PPP1R12B: variants seen among roughly 807,000 people sequenced by gnomAD.
PPP1R12B encodes protein phosphatase 1 regulatory subunit 12B, also known as myosin phosphatase target subunit 2.
A neutral mutation model predicts 126.1 loss-of-function variants in PPP1R12B; 76 were observed. The ratio of observed to expected loss-of-function variants is 0.60; its 90% confidence interval spans 0.50 to 0.73. The LOEUF is 0.73. Ranked by LOEUF, PPP1R12B falls within the 30% of genes least tolerant of loss-of-function variation. The probability of loss-of-function intolerance (pLI) is 0.00; values close to 1 mark genes in which losing one functional copy is unlikely to be tolerated. For missense variants in PPP1R12B, 1,052 were observed against 1,205.1 expected, an observed-to-expected ratio of 0.87 and a Z score of 1.88; for synonymous variants, 356 against 434.7, an observed-to-expected ratio of 0.82 and a Z score of 2.25.
intron 13 of PPP1R12B, among the ~76,000 whole-genome samples, chr1:202,485,085 G>T (rs1002830076): frequency 1.3e-5 from 2 of 152,228 alleles, no homozygotes; most frequent in African/African-American, 4.8e-5. Flanking sequence ...CAGCTGGCCA[G>T]CTAGCTGTGC....
chr1:202,382,816 C>G (rs1662554492), intron 1 of PPP1R12B, among the ~76,000 whole-genome samples: 1 of 150,664 alleles, frequency 6.6e-6, no homozygotes, highest in Non-Finnish European at 1.5e-5. Flanking sequence ...CCAGAGGTTA[C>G]AGTGAGCCAA....
At chr1:202,564,269 T>A (rs1382026240) in intron 20 of PPP1R12B, among the ~76,000 whole-genome samples, 174 bp from the exon 21 acceptor site, 1 of 152,190 alleles carries the variant, frequency 6.6e-6, no homozygotes, top group Admixed American at 6.5e-5. Flanking sequence ...TGTTCATCAC[T>A]TTGAAAAAGC....
chr1:202,566,803 AT>A (rs930066753), intron 21 of PPP1R12B, among the ~76,000 whole-genome samples: 5 of 150,888 alleles, frequency 3.3e-5, no homozygotes, highest in Non-Finnish European at 5.9e-5. Flanking sequence ...CCATTCCTTA[AT>A]TTTTTTTTTA....
rs545655391 is a variant in PPP1R12B at position 202,430,752 on chromosome 1, C to T, written c.943C>T (p.Arg315Trp). The T allele has an allele frequency of 4.7e-5, 75 of 1,612,622 alleles. No individual in the cohort carries two copies. The highest frequency in any genetic ancestry group is 5.6e-5 in the Non-Finnish European group (66 of 1,179,130). Reference sequence around the variant, plus strand: ...CCAGCTTCGAAGTGAAAAGGAGACACGGAATAAACTCATTGAGTCAGATCT... The same window carrying T: ...CCAGCTTCGAAGTGAAAAGGAGACATGGAATAAACTCATTGAGTCAGATCT... ...QNVLRSEKET[R>W]NKLIESDLNS... Residue 315 changes from arginine (R) to tryptophan (W), a missense_variant, in exon 7 of 24, where the codon CGG (arginine) becomes TGG (tryptophan). By Grantham distance (101) the Arg-to-Trp change is moderately radical (BLOSUM62 -3). Coordinates refer to ENST00000608999, the MANE Select transcript of PPP1R12B (RefSeq NM_002481.4).
At chr1:202,394,208 G>A (rs1664570851) in intron 1 of PPP1R12B, among the ~76,000 whole-genome samples, 2 of 151,526 alleles carry the variant, frequency 1.3e-5, no homozygotes, top group African/African-American at 4.8e-5. Context: ...CATGGTGGCA[G>A]TGAGATCGCA....
At chr1:202,365,291 T>TA (rs1049021785) in intron 1 of PPP1R12B, among the ~76,000 whole-genome samples, 106 of 145,622 alleles carry the variant, frequency 7.3e-4, no homozygotes, top group African/African-American at 2.5e-3. Flanking sequence ...ATCCTAAGTC[T>TA]AAAAAAAAAA....
chr1:202,532,633 G>A (rs3901668), intron 18 of PPP1R12B, among the ~76,000 whole-genome samples: 68,005 of 151,622 alleles, frequency 0.45, 16,266 homozygotes, highest in East Asian at 0.71. Flanking sequence ...GCCTGTTTCC[G>A]TTAGCAAACC....
At chr1:202,494,513 T>C (rs1287434188) in intron 15 of PPP1R12B, among the ~76,000 whole-genome samples, 1 of 151,598 alleles carries the variant, frequency 6.6e-6, no homozygotes, top group Non-Finnish European at 1.5e-5. Context: ...AGGATTTATC[T>C]ATCTCTGAGT....
chr1:202,543,220 T>C (rs1209232586), intron 18 of PPP1R12B, among the ~76,000 whole-genome samples: 2 of 152,052 alleles, frequency 1.3e-5, no homozygotes, highest in African/African-American at 4.8e-5. Flanking sequence ...GCAGGATGAT[T>C]TTTCAGTGAC....
chr1:202,467,290 T>G (rs964456585), intron 13 of PPP1R12B, among the ~76,000 whole-genome samples: 13 of 151,888 alleles, frequency 8.6e-5, no homozygotes, highest in African/African-American at 3.1e-4. Flanking sequence ...TAGTTACATA[T>G]GTATACATGT....
chr1:202,391,079 A>G (rs1370494502), intron 1 of PPP1R12B, among the ~76,000 whole-genome samples: 1 of 152,196 alleles, frequency 6.6e-6, no homozygotes, highest in Admixed American at 6.5e-5. Context: ...AAAGAAAGTG[A>G]TAAGACAACC....
intron 1 of PPP1R12B, among the ~76,000 whole-genome samples, chr1:202,363,339 T>G (rs1157385302): frequency 6.6e-6 from 1 of 152,224 alleles, no homozygotes; most frequent in Non-Finnish European, 1.5e-5. Context: ...TTGTACTTCA[T>G]GTTGATTCCA....
At chr1:202,386,913 C>T (rs1663239273) in intron 1 of PPP1R12B, among the ~76,000 whole-genome samples, 1 of 152,038 alleles carries the variant, frequency 6.6e-6, no homozygotes, top group African/African-American at 2.4e-5. Flanking sequence ...TTCATGGCAT[C>T]CTATTCTTTT....
chr1:202,508,821 T>G lies in PPP1R12B; in HGVS notation c.2490+11999T>G, dbSNP rs969935802. On this transcript the variant is annotated intron_variant, in intron 18 of 23. Transcript: ENST00000608999. The surrounding 1 kb of genome is among the most constrained non-coding windows in gnomAD (Gnocchi z 4.5). ...TATACCTATTCTCCGGCAGAACATG[T>G]TGGTGGTGGGACAGTGGTAGCAGCC... Among the ~76,000 whole-genome samples, 12 of 152,182 alleles carry G rather than the reference T, an allele frequency of 7.9e-5. No homozygotes were observed. The highest frequency in any genetic ancestry group is 2.6e-4 in the Admixed American group (4 of 15,272).
chr1:202,389,212 T>G (rs544022069), intron 1 of PPP1R12B, among the ~76,000 whole-genome samples: 35 of 152,280 alleles, frequency 2.3e-4, no homozygotes, highest in Admixed American at 5.2e-4. Flanking sequence ...GAAGACTTCC[T>G]GAGTAAAATG....
In PPP1R12B at chr1:202,495,377, T is replaced by G. The variant is rs369147650; in HGVS notation, c.2230T>G (p.Tyr744Asp). 26 of 1,611,004 alleles carry G rather than the reference T, an allele frequency of 1.6e-5. No individual in the cohort carries two copies. Among genetic ancestry groups the G allele is most frequent in the Non-Finnish European group, 2.2e-5 (26 of 1,178,242 alleles). The stretch of plus-strand genomic sequence containing the variant: ...TCCTTCTACGTCAAGACCCTCACTC[T>G]ACACCAGTTCCCACCTGCTATGGAC... ...ASPSTSRPSL[Y>D]TSSHLLWTNR... Residue 744 changes from tyrosine (Y) to aspartate (D), a missense_variant, in exon 16 of 24, where the codon TAC becomes GAC. By Grantham distance (160) the Tyr-to-Asp change is radical. Transcript: ENST00000608999.
chr1:202,448,805 T>A (rs1558241385), intron 12 of PPP1R12B, among the ~76,000 whole-genome samples, 184 bp from the exon 13 acceptor site: 1 of 152,206 alleles, frequency 6.6e-6, no homozygotes, highest in African/African-American at 2.4e-5. Flanking sequence ...GCAAAGGATG[T>A]CAGACTAAAC....
chr1:202,454,159 CA>C (rs1673338275), intron 13 of PPP1R12B, among the ~76,000 whole-genome samples: 1 of 152,132 alleles, frequency 6.6e-6, no homozygotes, highest in Admixed American at 6.5e-5. Flanking sequence ...TACCTTGTTG[CA>C]TGAACTGTTA....
chr1:202,386,436 A>G (rs1043165436), intron 1 of PPP1R12B, among the ~76,000 whole-genome samples: 18 of 151,528 alleles, frequency 1.2e-4, no homozygotes, highest in African/African-American at 3.6e-4. Context: ...GGTTCACACT[A>G]TTCTCCTGCC....
Sources: allele counts gnomAD v4.1 joint callset (sites outside exome capture counted in the v4.1 genomes callset), GRCh38; gene constraint gnomAD v4.1.1; non-coding constraint Gnocchi (gnomAD v3.1); transcripts MANE v1.5; gene names NCBI Gene and HGNC (gene_info 2026-07-23, HGNC 2026-07-21).